Variants in ARHGAP18 observed in about 807,000 individuals in gnomAD.
ARHGAP18 encodes Rho GTPase activating protein 18.
A neutral mutation model predicts 86.2 loss-of-function variants in ARHGAP18; 67 were observed. The observed-to-expected ratio is 0.78, with a 90% CI of 0.64 to 0.95. ARHGAP18 has a LOEUF of 0.95. Ranked by LOEUF, ARHGAP18 falls within the 40% of genes least tolerant of loss-of-function variation. The probability of loss-of-function intolerance (pLI) is 0.00; values close to 1 mark genes in which losing one functional copy is unlikely to be tolerated. For synonymous variants in ARHGAP18, 283 were observed against 280.4 expected (o/e 1.01, Z -0.09); for missense variants, 691 against 780.4 (o/e 0.89, Z 1.37).
intron 1 of ARHGAP18, among the ~76,000 whole-genome samples, chr6:129,688,400 A>T: frequency 6.6e-6 from 1 of 152,238 alleles, no homozygotes; most frequent in Non-Finnish European, 1.5e-5. Context: ...TGTAACACAG[A>T]TATGACAGTG....
chr6:129,676,295 C>T (rs926932617), intron 1 of ARHGAP18, among the ~76,000 whole-genome samples: 1 of 152,130 alleles, frequency 6.6e-6, no homozygotes, highest in Non-Finnish European at 1.5e-5. Context: ...GCTTTCTAAC[C>T]ACCCACAAAG....
chr6:129,679,783 T>C (rs1774293947), intron 1 of ARHGAP18, among the ~76,000 whole-genome samples: 1 of 152,236 alleles, frequency 6.6e-6, no homozygotes, highest in Non-Finnish European at 1.5e-5. Context: ...TATAACAAAT[T>C]ACCAAAATTT....
intron 1 of ARHGAP18, among the ~76,000 whole-genome samples, chr6:129,698,759 C>T (rs1469217555): frequency 6.9e-6 from 1 of 144,762 alleles, no homozygotes; most frequent in Non-Finnish European, 1.5e-5. Flanking sequence ...CAATGGCAAT[C>T]TCGGCTCACT....
chr6:129,644,547 T>C (rs1054442929), intron 1 of ARHGAP18, among the ~76,000 whole-genome samples: 1 of 152,082 alleles, frequency 6.6e-6, no homozygotes, highest in Admixed American at 6.6e-5. Flanking sequence ...TCCTTTTGTT[T>C]TCTCTCTCAT....
chr6:129,604,752 G>C (rs1022001553), intron 10 of ARHGAP18, among the ~76,000 whole-genome samples: 2 of 152,180 alleles, frequency 1.3e-5, no homozygotes, highest in African/African-American at 4.8e-5. Context: ...TTATTCATTT[G>C]ACAACCAGTG....
chr6:129,629,227 C>T, intron 5 of ARHGAP18, 126 bp downstream of exon 5: 1 of 840,640 alleles, frequency 1.2e-6, no homozygotes, highest in South Asian at 3.2e-5. Flanking sequence ...TTCTCTCTGT[C>T]TGTCTGTCTC....
In ARHGAP18 at chr6:129,710,144, G is replaced by A. The variant is rs1422545194; in HGVS notation, c.-8C>T. On this transcript the variant is annotated 5_prime_UTR_variant, in exon 1 of 15. Coordinates refer to ENST00000368149, the MANE Select transcript of ARHGAP18 (RefSeq NM_033515.3). ...ACTGGAGAGCCAGCTCATGGTGAGA[G>A]AAGGGACATACTTTCTGCGATCCTG... 6.2e-7 allele frequency: 1 copy of A among 1,604,140 alleles called. No individual in the cohort carries two copies. The highest frequency in any genetic ancestry group is 1.7e-5 in the Admixed American group (1 of 59,942).
intron 5 of ARHGAP18, 78 bp from the exon 6 acceptor site, chr6:129,618,930 A>G: frequency 7.7e-7 from 1 of 1,290,704 alleles, no homozygotes; most frequent in South Asian, 1.5e-5. Flanking sequence ...AAAACCAACT[A>G]CAGAAAGAAG....
At chr6:129,599,804 A>G (rs1788700711) in intron 11 of ARHGAP18, among the ~76,000 whole-genome samples, 1 of 152,150 alleles carries the variant, frequency 6.6e-6, no homozygotes, top group Non-Finnish European at 1.5e-5. Flanking sequence ...AAGAAACAAG[A>G]GCTGATAGGT....
At chr6:129,683,372 T>G (rs556934621) in intron 1 of ARHGAP18, among the ~76,000 whole-genome samples, 2 of 152,298 alleles carry the variant, frequency 1.3e-5, no homozygotes, top group African/African-American at 4.8e-5. Flanking sequence ...CGCCCGGCCT[T>G]GTTTTTTCTT....
In ARHGAP18 at chr6:129,625,097, ATATATAT is replaced by A. The variant is rs1364557372; in HGVS notation, c.786+4249_786+4255del. On this transcript the variant is annotated intron_variant, in intron 5 of 14. Coordinates refer to ENST00000368149, the MANE Select transcript of ARHGAP18 (RefSeq NM_033515.3). ...TAATATATATGATATATGATATATG[ATATATAT>A]TATATATTATATAGATATATATTAT... is the stretch of plus-strand genomic sequence containing the variant. Among the ~76,000 whole-genome samples, 19 of 70,384 alleles carry A rather than the reference ATATATAT, an allele frequency of 2.7e-4. 1 individual carries two copies. Among genetic ancestry groups the A allele is most frequent in the Non-Finnish European group, 3.6e-4 (13 of 36,434 alleles). 46.2% of individuals were successfully genotyped at this position (70,384 alleles called of 152,430 possible).
intron 10 of ARHGAP18, among the ~76,000 whole-genome samples, chr6:129,602,984 C>T (rs1438229306): frequency 9.8e-6 from 1 of 102,300 alleles, no homozygotes; most frequent in Non-Finnish European, 2.0e-5. Flanking sequence ...CAGAATTTCC[C>T]CTTTATATAT....
intron 1 of ARHGAP18, among the ~76,000 whole-genome samples, chr6:129,689,820 C>G (rs538545056): frequency 1.3e-5 from 2 of 152,272 alleles, no homozygotes; most frequent in East Asian, 3.9e-4. Flanking sequence ...TTGCTTTTCA[C>G]AGAAACCTGG....
At chr6:129,647,700 G>A (rs1200595073) in intron 1 of ARHGAP18, among the ~76,000 whole-genome samples, 1 of 151,516 alleles carries the variant, frequency 6.6e-6, no homozygotes, top group Non-Finnish European at 1.5e-5. Flanking sequence ...GTGGGGTGGG[G>A]GTTCTTCCTC....
intron 3 of ARHGAP18, among the ~76,000 whole-genome samples, chr6:129,634,963 T>C (rs1773302354): frequency 6.6e-6 from 1 of 151,684 alleles, no homozygotes; most frequent in African/African-American, 2.4e-5. Flanking sequence ...CTAAAACATC[T>C]GAAGGAATTC....
chr6:129,582,288 G>C (rs1208571366), intron 13 of ARHGAP18, among the ~76,000 whole-genome samples: 1 of 152,110 alleles, frequency 6.6e-6, no homozygotes. Flanking sequence ...TTGTTTTCAT[G>C]CTATACCTTA....
chr6:129,613,187 C>T (rs557648214), intron 7 of ARHGAP18, among the ~76,000 whole-genome samples: 35 of 147,002 alleles, frequency 2.4e-4, no homozygotes, highest in Admixed American at 4.9e-4. Context: ...GAGCCAAGAT[C>T]GCAACAGTGC....
In ARHGAP18 at chr6:129,706,354, T is replaced by C. The variant is rs72988843; in HGVS notation, c.113+3670A>G. Among the ~76,000 whole-genome samples the C allele has an allele frequency of 2.4e-3, 361 of 152,304 alleles. 1 individual carries two copies. Among genetic ancestry groups the C allele is most frequent in the Non-Finnish European group, 2.8e-3 (193 of 68,022 alleles). ...CTGTGTACAAGTCGGCCATGACAAC[T>C]AATGTTAACATATTTCTTCAAATCC... On this transcript the variant is annotated intron_variant, in intron 1 of 14. Coordinates refer to ENST00000368149, the MANE Select transcript of ARHGAP18 (RefSeq NM_033515.3).
chr6:129,582,477 C>T (rs922998059), intron 13 of ARHGAP18, among the ~76,000 whole-genome samples: 3 of 152,216 alleles, frequency 2.0e-5, no homozygotes, highest in South Asian at 2.1e-4. Context: ...TTCAGGTACA[C>T]GTTCTGGGAG....
Sources: gnomAD v4.1 joint callset for allele counts (sites outside exome capture counted in the v4.1 genomes callset) on GRCh38, gnomAD v4.1.1 for gene constraint, MANE v1.5 for transcripts, NCBI Gene and HGNC (gene_info 2026-07-23, HGNC 2026-07-21) for gene names.